PLEKHB2: variants seen among roughly 807,000 people sequenced by gnomAD.
The protein encoded by PLEKHB2 is pleckstrin homology domain-containing family B member 2.
Under a neutral mutation model 36.5 loss-of-function variants are expected in PLEKHB2, and 31 were observed. The observed-to-expected ratio is 0.85, with a 90% CI of 0.64 to 1.15. PLEKHB2 has a LOEUF of 1.15. Ranked by LOEUF, PLEKHB2 falls within the 50% of genes most tolerant of loss-of-function variation. The pLI, the probability that PLEKHB2 is intolerant of heterozygous loss-of-function variation, is 0.00. For synonymous variants in PLEKHB2, 119 were observed against 112.0 expected (o/e 1.06, Z -0.39); for missense variants, 262 against 295.3 (o/e 0.89, Z 0.83).
intron 6 of PLEKHB2, among the ~76,000 whole-genome samples, chr2:131,138,596 T>TGG (rs1005976810): frequency 1.3e-5 from 2 of 152,146 alleles, no homozygotes; most frequent in African/African-American, 4.8e-5. Context: ...TTGACACCCA[T>TGG]GGGCCAGGTT....
At chr2:131,113,254 G>GT (rs1176128553) in intron 1 of PLEKHB2, among the ~76,000 whole-genome samples, 2 of 151,950 alleles carry the variant, frequency 1.3e-5, no homozygotes, top group Non-Finnish European at 2.9e-5. Flanking sequence ...GCTGATTTTT[G>GT]TATGGATGAG....
intron 7 of PLEKHB2, among the ~76,000 whole-genome samples, chr2:131,142,565 T>G (rs1460779542): frequency 2.0e-5 from 3 of 151,040 alleles, no homozygotes; most frequent in African/African-American, 7.4e-5. Context: ...AGAATATGTT[T>G]CTTTTTTTTT....
At chr2:131,122,261 A>T (rs1696599419) in intron 2 of PLEKHB2, among the ~76,000 whole-genome samples, 1 of 152,214 alleles carries the variant, frequency 6.6e-6, no homozygotes, top group African/African-American at 2.4e-5. Context: ...TTTATTAAAA[A>T]ATGCAAGCAG....
At chr2:131,108,756 T>G (rs545466923) in intron 1 of PLEKHB2, among the ~76,000 whole-genome samples, 1 of 152,214 alleles carries the variant, frequency 6.6e-6, no homozygotes, top group Admixed American at 6.5e-5. Context: ...TCGGCAAATT[T>G]TGGTAAGGGG....
chr2:131,118,022 T>C (rs895159451), intron 1 of PLEKHB2, among the ~76,000 whole-genome samples: 2 of 152,206 alleles, frequency 1.3e-5, no homozygotes, highest in African/African-American at 4.8e-5. Context: ...TCAACCATCT[T>C]AAGTGATAAA....
At position 131,140,345 on chromosome 2, in the gene PLEKHB2, G is replaced by T. The variant is rs561163988; in HGVS notation, c.532+70G>T. ...GAGTAGACCAGAGAGACCTGTAAAC[G>T]TTTTTATTTTTCAGTTTAAGGTTAC... On this transcript the variant is annotated intron_variant, in intron 7 of 7. Coordinates refer to ENST00000693505, the MANE Select transcript of PLEKHB2 (RefSeq NM_001100623.2). 9 of 787,386 alleles carry T rather than the reference G, an allele frequency of 1.1e-5. No homozygotes were observed. In the African/African-American group the frequency reaches 1.2e-4, roughly 11 times the overall value. The allele number at this position is 787,386 out of a possible 1,614,324, so 48.8% of individuals were successfully genotyped here.
intron 1 of PLEKHB2, among the ~76,000 whole-genome samples, chr2:131,110,797 C>T (rs1424794625): frequency 6.6e-6 from 1 of 152,000 alleles, no homozygotes. Flanking sequence ...ATGCTTTTTT[C>T]TTTGGGAAGT....
rs1699436776 is a variant in PLEKHB2 at position 131,148,157 on chromosome 2, C to T, written c.*1384C>T. Reference sequence around the variant, plus strand: ...GGATGGGATATGGGGCCCAGGGACCCTCAGGACACAGGGACCGGCTCAAGG... The same window carrying T: ...GGATGGGATATGGGGCCCAGGGACCTTCAGGACACAGGGACCGGCTCAAGG... On this transcript the variant is annotated 3_prime_UTR_variant, in exon 8 of 8. Coordinates refer to ENST00000693505, the MANE Select transcript of PLEKHB2 (RefSeq NM_001100623.2). 6.6e-6 allele frequency: 1 copy of T among 152,240 alleles called. No homozygotes were observed. The highest frequency in any genetic ancestry group is 2.4e-5 in the African/African-American group (1 of 41,412). The allele number at this position is 152,240 out of a possible 1,614,324, so 9.4% of individuals were successfully genotyped here.
chr2:131,121,627 GTC>G (rs1418055150), intron 2 of PLEKHB2, among the ~76,000 whole-genome samples: 1 of 152,168 alleles, frequency 6.6e-6, no homozygotes, highest in Non-Finnish European at 1.5e-5. Flanking sequence ...AGAGGTGCTG[GTC>G]TCTCTGCCTG....
intron 1 of PLEKHB2, among the ~76,000 whole-genome samples, chr2:131,114,289 CTAATTTTTG>C (rs1446434116): frequency 6.6e-6 from 1 of 152,102 alleles, no homozygotes; most frequent in Non-Finnish European, 1.5e-5. Context: ...CCACGCCCGG[CTAATTTTTG>C]TATTTTTAGT....
rs2105015778 is a variant in PLEKHB2, at chr2:131,149,610, A to G, written c.*2837A>G. On this transcript the variant is annotated 3_prime_UTR_variant, in exon 8 of 8. Transcript: ENST00000693505. ...CCTGCAGTTGAGACAAAATGACCCA[A>G]GTGTATTTTCCACAAGTTTTGATCC... The G allele has an allele frequency of 6.6e-6, 1 of 152,310 alleles. No individual in the cohort carries two copies. Among genetic ancestry groups the G allele is most frequent in the Non-Finnish European group, 1.5e-5 (1 of 68,024 alleles). The allele number at this position is 152,310 out of a possible 1,614,324, so 9.4% of individuals were successfully genotyped here. A position where few individuals can be genotyped will look rare whatever the true frequency, so the allele number is the denominator to read the frequency against.
intron 6 of PLEKHB2, among the ~76,000 whole-genome samples, chr2:131,134,540 A>G (rs1009130513): frequency 6.6e-6 from 1 of 152,112 alleles, no homozygotes; most frequent in Non-Finnish European, 1.5e-5. Flanking sequence ...TGTTGAGTGT[A>G]TCTCTTTCTG....
chr2:131,144,054 T>C (rs1699047073), intron 7 of PLEKHB2, among the ~76,000 whole-genome samples: 1 of 152,160 alleles, frequency 6.6e-6, no homozygotes. Context: ...ACTTGCTTGC[T>C]GTGGAAGGGT....
chr2:131,131,260 A>G (rs919137889), intron 5 of PLEKHB2, among the ~76,000 whole-genome samples: 7 of 152,250 alleles, frequency 4.6e-5, no homozygotes, highest in African/African-American at 1.7e-4. Flanking sequence ...TCTTACAGGC[A>G]TGCTTGTTCC....
intron 7 of PLEKHB2, among the ~76,000 whole-genome samples, chr2:131,141,354 A>G (rs541097573): frequency 6.6e-6 from 1 of 152,208 alleles, no homozygotes; most frequent in African/African-American, 2.4e-5. Context: ...AATGATAATA[A>G]GTAGTCCGGG....
rs543698423 is a variant in PLEKHB2, at chr2:131,133,067, A to T, written c.423+76A>T. The T allele has an allele frequency of 2.4e-4, 225 of 920,142 alleles. 1 individual carries two copies. In the South Asian group the frequency reaches 2.6e-3, roughly 11 times the overall value. 57.0% of individuals were successfully genotyped at this position (920,142 alleles called of 1,614,324 possible). On this transcript the variant is annotated intron_variant, in intron 6 of 7. Coordinates refer to ENST00000693505, the MANE Select transcript of PLEKHB2 (RefSeq NM_001100623.2). ...CTGTCCTGCTTTGTTTTGTTTTTTT[A>T]AATGAAATTAGAAATGTACTCTAAA...
intron 2 of PLEKHB2, 105 bp from the exon 3 acceptor site, chr2:131,125,648 T>C: frequency 1.1e-6 from 1 of 894,008 alleles, no homozygotes. Flanking sequence ...AAGGCTGCAG[T>C]GACCTATGAT....
rs573796844 is a variant in PLEKHB2, at chr2:131,125,074, G to A, written c.38-679G>A. 1.2e-4 allele frequency among the ~76,000 whole-genome samples: 18 copies of A among 152,200 alleles called. No individual in the cohort carries two copies. In the South Asian group the frequency reaches 1.2e-3, roughly 11 times the overall value. On this transcript the variant is annotated intron_variant, in intron 2 of 7. Coordinates refer to ENST00000693505, the MANE Select transcript of PLEKHB2 (RefSeq NM_001100623.2). ...GCTGGGATTACACGCGTGAACCACC[G>A]TGCCTGGCCAAAATGTGTTTTTTCA...
chr2:131,131,865 ACT>A (rs1697738309), intron 5 of PLEKHB2, among the ~76,000 whole-genome samples: 1 of 145,270 alleles, frequency 6.9e-6, no homozygotes, highest in African/African-American at 2.6e-5. Flanking sequence ...AGACAGTCTC[ACT>A]CTGTCGCCCA....
Sources: gnomAD v4.1 joint callset for allele counts (sites outside exome capture counted in the v4.1 genomes callset) on GRCh38, gnomAD v4.1.1 for gene constraint, MANE v1.5 for transcripts, NCBI Gene and HGNC (gene_info 2026-07-23, HGNC 2026-07-21) for gene names.